UBE2G1: variants seen among roughly 807,000 people sequenced by gnomAD.
UBE2G1 encodes ubiquitin-conjugating enzyme E2 G1.
In UBE2G1, 5 loss-of-function variants were observed where a neutral mutation model predicts 22.7. That is an observed-to-expected ratio of 0.22 (90% CI 0.12 to 0.46). The LOEUF is 0.46. Among genes scored for constraint, UBE2G1 ranks in the 20% least tolerant of loss-of-function variants. UBE2G1 has a pLI of 0.99. For synonymous variants in UBE2G1, 74 were observed against 67.5 expected, an observed-to-expected ratio of 1.10 and a Z score of -0.47; for missense variants, 88 against 203.9, an observed-to-expected ratio of 0.43 and a Z score of 3.46.
chr17:4,357,745 C>T (rs1421685520), intron 1 of UBE2G1, among the ~76,000 whole-genome samples: 1 of 151,942 alleles, frequency 6.6e-6, no homozygotes, highest in African/African-American at 2.4e-5. Flanking sequence ...GACAATCTAG[C>T]CAAGATCCCA....
chr17:4,348,258 T>C (rs1969803249), intron 1 of UBE2G1, among the ~76,000 whole-genome samples: 1 of 150,118 alleles, frequency 6.7e-6, no homozygotes, highest in African/African-American at 2.5e-5. Flanking sequence ...ACCCTGTCTG[T>C]AAAGAAAAAA....
At chr17:4,317,280 A>G (rs796738157) in intron 1 of UBE2G1, among the ~76,000 whole-genome samples, 7 of 152,262 alleles carry the variant, frequency 4.6e-5, no homozygotes, top group African/African-American at 1.7e-4. Flanking sequence ...AACCTGGGAG[A>G]AGGAGGTTGC....
intron 3 of UBE2G1, among the ~76,000 whole-genome samples, chr17:4,291,262 G>A (rs1598182272): frequency 6.6e-6 from 1 of 151,654 alleles, no homozygotes; most frequent in South Asian, 2.1e-4. Context: ...TGGGAGGCTG[G>A]GGCAGGAGAA....
At chr17:4,365,114 G>T (rs1205529179) in intron 1 of UBE2G1, among the ~76,000 whole-genome samples, 1 of 152,198 alleles carries the variant, frequency 6.6e-6, no homozygotes, top group Non-Finnish European at 1.5e-5. Flanking sequence ...CTTAGTAAAT[G>T]TATTTCAAAA....
At chr17:4,296,505 C>T (rs1441757761) in intron 3 of UBE2G1, among the ~76,000 whole-genome samples, 5 of 152,144 alleles carry the variant, frequency 3.3e-5, no homozygotes, top group African/African-American at 1.2e-4. Context: ...TCAAGTGATC[C>T]GCCTGCCTGG....
At chr17:4,318,912 AC>A (rs998139617) in intron 1 of UBE2G1, among the ~76,000 whole-genome samples, 3 of 152,342 alleles carry the variant, frequency 2.0e-5, no homozygotes, top group Admixed American at 1.3e-4. Context: ...CTTCAGAAAA[AC>A]AGTCTCAAAG....
At chr17:4,333,219 TTGAG>T (rs1382049243) in intron 1 of UBE2G1, among the ~76,000 whole-genome samples, 1 of 152,200 alleles carries the variant, frequency 6.6e-6, no homozygotes, top group Non-Finnish European at 1.5e-5. Flanking sequence ...TATCGCAATA[TTGAG>T]TAAGTTGCTG....
intron 1 of UBE2G1, among the ~76,000 whole-genome samples, chr17:4,355,648 A>G (rs1402780280): frequency 6.6e-6 from 1 of 150,648 alleles, no homozygotes; most frequent in Non-Finnish European, 1.5e-5. Flanking sequence ...ATCTCAAAAA[A>G]AAAAAAGAAA....
In UBE2G1 at chr17:4,303,635, G is replaced by A. The variant is rs529677429; in HGVS notation, c.149+3386C>T. Among the ~76,000 whole-genome samples the A allele has an allele frequency of 5.3e-5, 8 of 152,304 alleles. No individual in the cohort carries two copies. In the South Asian group the frequency reaches 1.7e-3, roughly 32 times the overall value. Reference sequence around the variant, plus strand: ...ACTGATCATTCCATTTCCAAGCAATGTAGGCACTAGGTTCATTCCCTCCAG... The same window carrying A: ...ACTGATCATTCCATTTCCAAGCAATATAGGCACTAGGTTCATTCCCTCCAG... On this transcript the variant is annotated intron_variant, in intron 2 of 5. Coordinates refer to ENST00000396981, the MANE Select transcript of UBE2G1 (RefSeq NM_003342.5).
At chr17:4,314,675 C>T (rs1348469326) in intron 1 of UBE2G1, among the ~76,000 whole-genome samples, 1 of 152,062 alleles carries the variant, frequency 6.6e-6, no homozygotes, top group South Asian at 2.1e-4. Flanking sequence ...ATCATTTAAT[C>T]CAGGCATTTT....
chr17:4,289,104 GATAC>G, intron 4 of UBE2G1, 122 bp downstream of exon 4: 3 of 501,038 alleles, frequency 6.0e-6, no homozygotes, highest in South Asian at 1.0e-4. Context: ...TATGGGAAGA[GATAC>G]ACACACACAC....
At position 4,284,993 on chromosome 17, in the gene UBE2G1, A is replaced by AC; in HGVS notation, c.427-2073dup. 2.0e-5 allele frequency among the ~76,000 whole-genome samples: 3 copies of AC among 151,840 alleles called. No homozygotes were observed. In the East Asian group the frequency reaches 5.8e-4, roughly 29 times the overall value. On this transcript the variant is annotated intron_variant, in intron 4 of 5. Coordinates refer to ENST00000396981, the MANE Select transcript of UBE2G1 (RefSeq NM_003342.5). The stretch of plus-strand genomic sequence containing the variant: ...CCGAAGCGTCTAGGACAACATGTGC[A>AC]CATCACCACACCCAGCTGATTTTTG...
chr17:4,346,582 T>C (rs938651193), intron 1 of UBE2G1, among the ~76,000 whole-genome samples: 35 of 151,734 alleles, frequency 2.3e-4, no homozygotes, highest in African/African-American at 8.2e-4. Flanking sequence ...ACTATAGGTG[T>C]GCACCACCAT....
chr17:4,306,998 G>A (rs1969255972), intron 2 of UBE2G1, 23 bp downstream of exon 2: 2 of 1,594,442 alleles, frequency 1.3e-6, no homozygotes, highest in Non-Finnish European at 1.7e-6. Context: ...CCATTTTGAA[G>A]ATGTCAGTTC....
chr17:4,286,700 T>C (rs1487286176), intron 4 of UBE2G1, among the ~76,000 whole-genome samples: 1 of 152,182 alleles, frequency 6.6e-6, no homozygotes, highest in Non-Finnish European at 1.5e-5. Context: ...AATAAAGTAA[T>C]TTTTGCATAT....
intron 1 of UBE2G1, among the ~76,000 whole-genome samples, chr17:4,365,373 C>T (rs1970020196): frequency 6.6e-6 from 1 of 152,270 alleles, no homozygotes; most frequent in Non-Finnish European, 1.5e-5. Context: ...CGCACACAGT[C>T]CTAGCAGAGT....
At chr17:4,357,510 G>T (rs9674837) in intron 1 of UBE2G1, among the ~76,000 whole-genome samples, 2 of 84,118 alleles carry the variant, frequency 2.4e-5, no homozygotes, top group Non-Finnish European at 4.9e-5. Flanking sequence ...TGTGTGTGTG[G>T]GGGGGGGGGG....
Position 4,289,316 on chromosome 17 carries a change from T to C in UBE2G1, c.340A>G (p.Ile114Val), listed in dbSNP as rs775710396. Residue 114 changes from isoleucine to valine, a missense_variant, in exon 4 of 6, where the codon ATC becomes GTC. Ile to Val is a conservative substitution (Grantham distance 29). This residue lies in a region of UBE2G1 where 38 missense variants were observed against 132.9 expected (regional missense o/e 0.29). Coordinates refer to ENST00000396981, the MANE Select transcript of UBE2G1 (RefSeq NM_003342.5). ...YEKPEERWLP[I>V]HTVETIMISV... The stretch of plus-strand genomic sequence containing the variant: ...ATCATGATGGTTTCCACAGTGTGGA[T>C]AGGGAGCCAGCGTTCCTCTGGCTTT... 4 of 1,597,846 alleles carry C rather than the reference T, an allele frequency of 2.5e-6. No individual in the cohort carries two copies. Among genetic ancestry groups the C allele is most frequent in the South Asian group, 1.1e-5 (1 of 88,386 alleles).
intron 1 of UBE2G1, among the ~76,000 whole-genome samples, chr17:4,327,656 A>G (rs1164610234): frequency 6.6e-6 from 1 of 152,136 alleles, no homozygotes; most frequent in Non-Finnish European, 1.5e-5. Flanking sequence ...GGAGTAGTTA[A>G]AAAGTCCAAT....
Sources: allele counts gnomAD v4.1 joint callset (sites outside exome capture counted in the v4.1 genomes callset), GRCh38; gene constraint gnomAD v4.1.1; regional missense constraint gnomAD v4.1.1; transcripts MANE v1.5; gene names NCBI Gene and HGNC (gene_info 2026-07-23, HGNC 2026-07-21).